The following NPAS3 variants were observed in gnomAD, a reference collection of about 807,000 sequenced individuals.
NPAS3 encodes the protein neuronal PAS domain protein 3.
Under a neutral mutation model 73.1 loss-of-function variants are expected in NPAS3, and 14 were observed. The observed-to-expected ratio is 0.19, with a 90% CI of 0.13 to 0.30. The LOEUF (loss-of-function observed/expected upper bound fraction) is 0.30. Among genes scored for constraint, NPAS3 ranks in the 10% least tolerant of loss-of-function variants. The probability of loss-of-function intolerance (pLI) is 1.00; values close to 1 mark genes in which losing one functional copy is unlikely to be tolerated. For synonymous variants in NPAS3, 620 were observed against 541.5 expected (o/e 1.14, Z -2.01); for missense variants, 1,096 against 1,250.0 (o/e 0.88, Z 1.86).
chr14:33,784,593 T>C (rs190773213), intron 9 of NPAS3, among the ~76,000 whole-genome samples: 2 of 152,230 alleles, frequency 1.3e-5, no homozygotes, highest in East Asian at 3.9e-4. Flanking sequence ...CACATGATCT[T>C]TTCTGTCTCC....
intron 2 of NPAS3, among the ~76,000 whole-genome samples, chr14:33,097,345 G>A (rs376729009): frequency 2.6e-5 from 4 of 152,218 alleles, no homozygotes; most frequent in African/African-American, 9.6e-5. Context: ...TGTTTTGCTC[G>A]ACATTGTAAG....
chr14:33,511,148 A>T (rs1392093989), intron 4 of NPAS3, among the ~76,000 whole-genome samples: 1 of 152,054 alleles, frequency 6.6e-6, no homozygotes, highest in Non-Finnish European at 1.5e-5. Context: ...TGTTGGGGGA[A>T]ATCCTCTGAG....
At chr14:33,371,266 C>G (rs2140436040) in intron 4 of NPAS3, among the ~76,000 whole-genome samples, 1 of 152,186 alleles carries the variant, frequency 6.6e-6, no homozygotes, top group Middle Eastern at 3.4e-3. Flanking sequence ...GAAACAGTCG[C>G]TGTGCGGAGT....
intron 2 of NPAS3, among the ~76,000 whole-genome samples, chr14:33,190,885 C>G (rs1212266751): frequency 6.6e-6 from 1 of 152,206 alleles, no homozygotes; most frequent in Admixed American, 6.5e-5. Flanking sequence ...TGGATAATTA[C>G]TTTTGTTCAC....
At chr14:33,294,677 G>A (rs1233866468) in intron 3 of NPAS3, among the ~76,000 whole-genome samples, 1 of 152,176 alleles carries the variant, frequency 6.6e-6, no homozygotes, top group African/African-American at 2.4e-5. Context: ...ATCTAAATAA[G>A]CATCACTACC....
chr14:33,726,503 A>G (rs2061268943), intron 6 of NPAS3, among the ~76,000 whole-genome samples: 1 of 152,148 alleles, frequency 6.6e-6, no homozygotes, highest in African/African-American at 2.4e-5. Flanking sequence ...TGATTCCTTC[A>G]CCCAGACGTC....
intron 3 of NPAS3, among the ~76,000 whole-genome samples, chr14:33,271,773 T>C (rs984708754): frequency 2.6e-5 from 4 of 152,168 alleles, no homozygotes; most frequent in Non-Finnish European, 5.9e-5. Flanking sequence ...TTCTGGCATG[T>C]ACTGTAATAT....
intron 6 of NPAS3, among the ~76,000 whole-genome samples, chr14:33,713,510 C>T (rs908993051): frequency 1.3e-5 from 2 of 152,258 alleles, no homozygotes; most frequent in African/African-American, 4.8e-5. Context: ...GCATCAGTGC[C>T]TATGCAGTCA....
chr14:33,254,130 C>T (rs984180084), intron 3 of NPAS3, among the ~76,000 whole-genome samples: 2 of 152,040 alleles, frequency 1.3e-5, no homozygotes, highest in Non-Finnish European at 2.9e-5. Context: ...CTGGGGTCCT[C>T]GCATGCAGTC....
intron 1 of NPAS3, among the ~76,000 whole-genome samples, chr14:32,989,019 TGG>T (rs959803013): frequency 1.3e-5 from 2 of 151,944 alleles, no homozygotes; most frequent in African/African-American, 4.8e-5. Flanking sequence ...AGTCTGAGTG[TGG>T]GGAGGAACAG....
intron 4 of NPAS3, among the ~76,000 whole-genome samples, chr14:33,522,411 A>G (rs1467410714): frequency 6.6e-6 from 1 of 152,140 alleles, no homozygotes; most frequent in African/African-American, 2.4e-5. Context: ...ATGTAGTTGT[A>G]TCCCTGTGGG....
At chr14:33,109,334 G>A (rs971907182) in intron 2 of NPAS3, among the ~76,000 whole-genome samples, 8 of 151,940 alleles carry the variant, frequency 5.3e-5, no homozygotes, top group African/African-American at 1.9e-4. Context: ...AAGCTTACAG[G>A]GTTTTTTGGT....
rs555736875 is a variant in NPAS3, at chr14:33,662,870, T to A, written c.559-13341T>A. On this transcript the variant is annotated intron_variant, in intron 5 of 11. Coordinates refer to ENST00000356141, the Ensembl canonical transcript of NPAS3. ...TGGGGCTGAGACAATGGGGTTTTCC[T>A]TTTTTTTTTTTTTTTTTTTTTTTTC... is the stretch of plus-strand genomic sequence containing the variant. Among the ~76,000 whole-genome samples, 10 of 102,834 alleles carry A rather than the reference T, an allele frequency of 9.7e-5. No homozygotes were observed. The South Asian group carries it at 3.4e-3, about 35-fold the overall frequency. 67.5% of individuals were successfully genotyped at this position (102,834 alleles called of 152,430 possible). A position where few individuals can be genotyped will look rare whatever the true frequency, so the allele number is the denominator to read the frequency against.
chr14:33,758,661 T>C (rs1407658887), intron 7 of NPAS3, among the ~76,000 whole-genome samples: 1 of 152,246 alleles, frequency 6.6e-6, no homozygotes, highest in African/African-American at 2.4e-5. Flanking sequence ...TGCATATTTA[T>C]ACAAAGGAAC....
chr14:33,315,820 G>T (rs74561481), intron 3 of NPAS3, among the ~76,000 whole-genome samples: 6,988 of 151,950 alleles, frequency 0.046, 302 homozygotes, highest in East Asian at 0.14. Flanking sequence ...AGACCAGAGG[G>T]GTTGCATTTT....
intron 3 of NPAS3, among the ~76,000 whole-genome samples, chr14:33,281,683 T>G (rs1031183176): frequency 6.6e-6 from 1 of 152,196 alleles, no homozygotes; most frequent in African/African-American, 2.4e-5. Flanking sequence ...TACATATCAT[T>G]AAGTCAGGAC....
intron 1 of NPAS3, among the ~76,000 whole-genome samples, chr14:33,038,794 A>G (rs1233498466): frequency 6.6e-6 from 1 of 152,154 alleles, no homozygotes; most frequent in Non-Finnish European, 1.5e-5. Flanking sequence ...CTAAGTTTTG[A>G]AGGTAGAAAA....
intron 7 of NPAS3, among the ~76,000 whole-genome samples, chr14:33,737,950 C>A (rs2061564114): frequency 6.6e-6 from 1 of 152,146 alleles, no homozygotes; most frequent in Admixed American, 6.6e-5. Flanking sequence ...TCAGTGCAGG[C>A]CACTATATTT....
chr14:32,950,387 G>T (rs1456893716), intron 1 of NPAS3, among the ~76,000 whole-genome samples: 1 of 152,036 alleles, frequency 6.6e-6, no homozygotes, highest in Non-Finnish European at 1.5e-5. Context: ...TAGCAGCACA[G>T]ATAACAGAAG....
Sources: allele counts gnomAD v4.1 joint callset (sites outside exome capture counted in the v4.1 genomes callset), GRCh38; gene constraint gnomAD v4.1.1; transcripts MANE v1.5; gene names NCBI Gene and HGNC (gene_info 2026-07-23, HGNC 2026-07-21).